VSTM2L: variants seen among roughly 807,000 people sequenced by gnomAD.
The protein encoded by VSTM2L is V-set and transmembrane domain containing 2 like.
Under a neutral mutation model 19.9 loss-of-function variants are expected in VSTM2L, and 9 were observed. The ratio of observed to expected loss-of-function variants is 0.45; its 90% CI spans 0.27 to 0.79. VSTM2L has a LOEUF of 0.79. VSTM2L is among the 30% of genes least tolerant of loss of function. VSTM2L has a pLI of 0.15. For synonymous variants in VSTM2L, 127 were observed against 133.8 expected, an observed-to-expected ratio of 0.95 and a Z score of 0.35; for missense variants, 286 against 295.5, an observed-to-expected ratio of 0.97 and a Z score of 0.24.
chr20:37,904,904 A>G (rs370104754), intron 1 of VSTM2L, among the ~76,000 whole-genome samples: 8 of 152,080 alleles, frequency 5.3e-5, no homozygotes, highest in Non-Finnish European at 8.8e-5. Flanking sequence ...TGTGTGCATC[A>G]TTTACATACC....
intron 1 of VSTM2L, among the ~76,000 whole-genome samples, chr20:37,912,575 G>A (rs997964369): frequency 6.6e-6 from 1 of 152,214 alleles, no homozygotes; most frequent in Non-Finnish European, 1.5e-5. Context: ...GAGCCTGGGG[G>A]CAGGTCAGGG....
intron 1 of VSTM2L, among the ~76,000 whole-genome samples, chr20:37,914,889 C>T (rs1407294820): frequency 6.6e-6 from 1 of 152,202 alleles, no homozygotes; most frequent in Non-Finnish European, 1.5e-5. Context: ...TCTTGACTGA[C>T]CCCTCCTTCC....
At chr20:37,917,420 T>A (rs1352771007) in intron 1 of VSTM2L, among the ~76,000 whole-genome samples, 1 of 151,912 alleles carries the variant, frequency 6.6e-6, no homozygotes, top group African/African-American at 2.4e-5. Flanking sequence ...CCCACCTGGG[T>A]GAATGTGCTT....
rs552920747 is a variant in VSTM2L, at chr20:37,939,665, C to T, written c.343-4316C>T. Among the ~76,000 whole-genome samples the T allele has an allele frequency of 9.2e-5, 14 of 152,244 alleles. 1 individual carries two copies. In the South Asian group the frequency reaches 1.9e-3, roughly 20 times the overall value. ...CCCTTCATCCTGTTGGAAGTTCACT[C>T]GCTGAGTTGCTTGATTATGGGTTAG... On this transcript the variant is annotated intron_variant, in intron 3 of 3. Transcript: ENST00000373461.
intron 1 of VSTM2L, among the ~76,000 whole-genome samples, chr20:37,925,701 C>T (rs573947817): frequency 6.6e-6 from 1 of 152,202 alleles, no homozygotes; most frequent in Non-Finnish European, 1.5e-5. Flanking sequence ...CCTAACCCAC[C>T]GCCCGTAGGC....
intron 1 of VSTM2L, among the ~76,000 whole-genome samples, chr20:37,927,263 C>G (rs1180612263): frequency 6.6e-6 from 1 of 152,232 alleles, no homozygotes; most frequent in Non-Finnish European, 1.5e-5. Context: ...CCGTGCCCGG[C>G]CTCATTAATA....
intron 1 of VSTM2L, among the ~76,000 whole-genome samples, chr20:37,919,282 T>A (rs766691590): frequency 1.2e-4 from 18 of 152,240 alleles, no homozygotes; most frequent in Non-Finnish European, 2.5e-4. Flanking sequence ...CCATCTGCGT[T>A]TGTTTGCCTG....
chr20:37,929,990 G>A (rs1335614981), intron 1 of VSTM2L, among the ~76,000 whole-genome samples: 1 of 152,116 alleles, frequency 6.6e-6, no homozygotes, highest in Non-Finnish European at 1.5e-5. Context: ...ACCATCCCTC[G>A]CAAATGTTCA....
chr20:37,932,342 G>C (rs1296877481), intron 2 of VSTM2L, among the ~76,000 whole-genome samples: 2 of 152,152 alleles, frequency 1.3e-5, no homozygotes, highest in African/African-American at 4.8e-5. Context: ...TGCTGTGGGG[G>C]CTCTGCCCCA....
chr20:37,944,671 G>T lies in VSTM2L; in HGVS notation c.*418G>T. On this transcript the variant is annotated 3_prime_UTR_variant, in exon 4 of 4. Coordinates refer to ENST00000373461, the MANE Select transcript of VSTM2L (RefSeq NM_080607.3). ...CTACCATCCCTCACTTGGACCTGGG[G>T]GTGTGGACAGTGACCCCTCCCTGAA... 3 of 1,003,066 alleles carry T rather than the reference G, an allele frequency of 3.0e-6. No individual in the cohort carries two copies. The highest frequency in any genetic ancestry group is 3.6e-6 in the Non-Finnish European group (3 of 842,416). 62.1% of individuals were successfully genotyped at this position (1,003,066 alleles called of 1,614,324 possible).
At chr20:37,921,522 C>T (rs1454461602) in intron 1 of VSTM2L, among the ~76,000 whole-genome samples, 1 of 152,190 alleles carries the variant, frequency 6.6e-6, no homozygotes, top group African/African-American at 2.4e-5. Context: ...TGGTGTTGCT[C>T]TAGCTGCCGG....
At chr20:37,921,439 A>C (rs1305486536) in intron 1 of VSTM2L, among the ~76,000 whole-genome samples, 1 of 152,132 alleles carries the variant, frequency 6.6e-6, no homozygotes, top group Non-Finnish European at 1.5e-5. Flanking sequence ...CGGAGTAGGG[A>C]AAATGGGATC....
chr20:37,903,439 A>G lies in VSTM2L; in HGVS notation c.89A>G (p.His30Arg). The G allele has an allele frequency of 6.7e-7, 1 of 1,486,970 alleles. No homozygotes were observed. Among genetic ancestry groups the G allele is most frequent in the South Asian group, 1.3e-5 (1 of 79,366 alleles). The allele number at this position is 1,486,970 out of a possible 1,614,324, so 92.1% of individuals were successfully genotyped here. A position where few individuals can be genotyped will look rare whatever the true frequency, so the allele number is the denominator to read the frequency against. Residue 30 changes from histidine (H) to arginine (R), a missense_variant, in exon 1 of 4, where the codon CAC becomes CGC. Coordinates refer to ENST00000373461, the MANE Select transcript of VSTM2L (RefSeq NM_080607.3). ...GGCGGCGCCACGCGGCCCGCCGGCC[A>G]CGCGCCCTGGGACAACCACGTCTCC... The part of the protein sequence containing the change: ...QLGGATRPAG[H>R]APWDNHVSGH...
At chr20:37,910,588 A>G (rs6021815) in intron 1 of VSTM2L, among the ~76,000 whole-genome samples, 42,158 of 152,116 alleles carry the variant, frequency 0.28, 8,179 homozygotes, top group African/African-American at 0.55. Flanking sequence ...TCAGTCTAGT[A>G]GGGGAGACAG....
At chr20:37,926,575 C>T (rs923919936) in intron 1 of VSTM2L, among the ~76,000 whole-genome samples, 3 of 152,176 alleles carry the variant, frequency 2.0e-5, no homozygotes, top group Non-Finnish European at 2.9e-5. Context: ...TTTAGGTTGG[C>T]GCAAAAGTAA....
chr20:37,931,281 G>A (rs2072907220), intron 1 of VSTM2L, among the ~76,000 whole-genome samples: 1 of 152,184 alleles, frequency 6.6e-6, no homozygotes, highest in South Asian at 2.1e-4. Flanking sequence ...AGAGCTGATG[G>A]AAGCGGCAGC....
At chr20:37,925,058 G>C (rs2072872440) in intron 1 of VSTM2L, among the ~76,000 whole-genome samples, 1 of 152,172 alleles carries the variant, frequency 6.6e-6, no homozygotes. Flanking sequence ...GAGTGGGTGA[G>C]AGTGTTAGAG....
chr20:37,931,277 G>A (rs2072907190), intron 1 of VSTM2L, among the ~76,000 whole-genome samples: 1 of 152,206 alleles, frequency 6.6e-6, no homozygotes, highest in Non-Finnish European at 1.5e-5. Flanking sequence ...TGGAAGAGCT[G>A]ATGGAAGCGG....
At chr20:37,937,626 G>A (rs550057027) in intron 3 of VSTM2L, among the ~76,000 whole-genome samples, 14 of 152,308 alleles carry the variant, frequency 9.2e-5, no homozygotes, top group African/African-American at 3.4e-4. Context: ...CTTCATCACT[G>A]TAAATCGCTC....
Sources: allele counts gnomAD v4.1 joint callset (sites outside exome capture counted in the v4.1 genomes callset), GRCh38; gene constraint gnomAD v4.1.1; transcripts MANE v1.5; gene names NCBI Gene and HGNC (gene_info 2026-07-23, HGNC 2026-07-21).